Variants in CTNNA2 observed in about 807,000 individuals in gnomAD.
CTNNA2 encodes the protein catenin alpha-2.
CTNNA2 carries 42 observed loss-of-function variants against 101.0 expected under a neutral mutation model. The observed-to-expected ratio is 0.42, with a 90% CI of 0.32 to 0.54. CTNNA2 has a LOEUF of 0.54. Ranked by LOEUF, CTNNA2 falls within the 20% of genes least tolerant of loss-of-function variation. The pLI, the probability that CTNNA2 is intolerant of heterozygous loss-of-function variation, is 0.14. For missense variants in CTNNA2, 871 were observed against 1,223.1 expected (o/e 0.71, Z 4.29); for synonymous variants, 450 against 456.4 (o/e 0.99, Z 0.18).
intron 2 of CTNNA2, among the ~76,000 whole-genome samples, chr2:79,208,913 A>G (rs926543139): frequency 3.3e-5 from 5 of 152,214 alleles, no homozygotes; most frequent in Admixed American, 2.0e-4. Flanking sequence ...AATCAGAGAT[A>G]TGTGGTAGAA....
rs116189298 is a variant in CTNNA2, at chr2:80,627,868, C to T, written c.2574+8640C>T. 3.2e-3 allele frequency among the ~76,000 whole-genome samples: 490 copies of T among 152,128 alleles called. 5 individuals carry two copies. Among genetic ancestry groups the T allele is most frequent in the African/African-American group, 0.01 (423 of 41,524 alleles). On this transcript the variant is annotated intron_variant, in intron 18 of 18. Transcript: ENST00000402739. ...TCCTACATTTAAGTCTTTAGTCCAT[C>T]GTCTCAGCCCCAAATCTCCTTAAGC...
At chr2:80,125,103 G>C (rs566146906) in intron 7 of CTNNA2, among the ~76,000 whole-genome samples, 1 of 152,182 alleles carries the variant, frequency 6.6e-6, no homozygotes, top group Non-Finnish European at 1.5e-5. Context: ...CCAAATCTAG[G>C]TTTTGTCTGA....
chr2:79,651,761 G>A (rs888978845), intron 2 of CTNNA2, 103 bp downstream of exon 2: 73 of 950,642 alleles, frequency 7.7e-5, no homozygotes, highest in Non-Finnish European at 1.0e-4. Flanking sequence ...AATAAATCAT[G>A]CCATGATTCC....
At chr2:80,028,246 T>C (rs1695068633) in intron 7 of CTNNA2, 1 of 152,196 alleles carries the variant, frequency 6.6e-6, no homozygotes, top group Non-Finnish European at 1.5e-5. Flanking sequence ...CCCTCTTCCA[T>C]ATGACTTGTT....
chr2:80,089,737 TC>T (rs1699667169), intron 7 of CTNNA2, among the ~76,000 whole-genome samples: 1 of 151,972 alleles, frequency 6.6e-6, no homozygotes, highest in Admixed American at 6.6e-5. Flanking sequence ...ACCACCCCAT[TC>T]TGCTTTCTCA....
In CTNNA2 at chr2:79,764,514, TTAACATTACATAAATTAATGTTTA is replaced by T. The variant is rs201459101; in HGVS notation, c.298+19944_298+19967del. ...CAAAAAATACTGTTGTAAATGTATT[TTAACATTACATAAATTAATGTTTA>T]TAACATTACATCCTTAAGAATCAAA... On this transcript the variant is annotated intron_variant, in intron 3 of 18. Coordinates refer to ENST00000402739, the MANE Select transcript of CTNNA2 (RefSeq NM_001282597.3). Among the ~76,000 whole-genome samples the T allele has an allele frequency of 8.1e-3, 1,231 of 152,340 alleles. 36 individuals carry two copies. In the East Asian group the frequency reaches 0.097, roughly 12 times the overall value.
intron 9 of CTNNA2, among the ~76,000 whole-genome samples, chr2:80,490,271 TC>T (rs1185906142): frequency 1.9e-5 from 1 of 51,850 alleles, no homozygotes; most frequent in Non-Finnish European, 3.3e-5. Flanking sequence ...TTTTTTTCCT[TC>T]CCCCCCCACC....
intron 3 of CTNNA2, among the ~76,000 whole-genome samples, chr2:79,811,740 T>A (rs1369994020): frequency 6.6e-6 from 1 of 152,164 alleles, no homozygotes; most frequent in Non-Finnish European, 1.5e-5. Flanking sequence ...AAAATCAGCT[T>A]TTTTATTTCT....
At chr2:80,552,232 A>C (rs1692622779) in intron 11 of CTNNA2, among the ~76,000 whole-genome samples, 1 of 152,200 alleles carries the variant, frequency 6.6e-6, no homozygotes, top group Non-Finnish European at 1.5e-5. Context: ...CAAAACTGTC[A>C]TACAGAGACA....
chr2:80,470,517 C>G (rs1685214579), intron 9 of CTNNA2, among the ~76,000 whole-genome samples: 3 of 152,112 alleles, frequency 2.0e-5, no homozygotes, highest in Admixed American at 2.0e-4. Context: ...AGCAGTGTCC[C>G]CTACACCCAG....
At chr2:79,228,368 C>T (rs1269694179) in intron 2 of CTNNA2, among the ~76,000 whole-genome samples, 2 of 152,214 alleles carry the variant, frequency 1.3e-5, no homozygotes, top group Non-Finnish European at 2.9e-5. Context: ...GCATTCCCAC[C>T]AACAGTGTAA....
At chr2:79,430,807 CAAAG>C (rs10607066) in intron 4 of CTNNA2, among the ~76,000 whole-genome samples, 48,207 of 151,666 alleles carry the variant, frequency 0.32, 7,763 homozygotes, top group South Asian at 0.44. Context: ...TCCCAAGGTT[CAAAG>C]AAAGACTGGT....
At chr2:80,116,853 A>T (rs960134326) in intron 7 of CTNNA2, among the ~76,000 whole-genome samples, 1 of 151,862 alleles carries the variant, frequency 6.6e-6, no homozygotes, top group African/African-American at 2.4e-5. Context: ...TGTGGAAAGC[A>T]CTAATACATG....
At chr2:80,641,954 A>G (rs1280953755) in intron 18 of CTNNA2, among the ~76,000 whole-genome samples, 2 of 152,154 alleles carry the variant, frequency 1.3e-5, no homozygotes, top group African/African-American at 4.8e-5. Context: ...ATCACCCTAC[A>G]TGAAACAATT....
Position 80,631,361 on chromosome 2 carries a change from ATT to A in CTNNA2, c.2574+12151_2574+12152del, listed in dbSNP as rs35491193. 5.0e-3 allele frequency among the ~76,000 whole-genome samples: 543 copies of A among 108,304 alleles called. 7 individuals are homozygous for A. The highest frequency in any genetic ancestry group is 0.016 in the African/African-American group (505 of 30,982). The allele number at this position is 108,304 out of a possible 152,430, so 71.1% of individuals were successfully genotyped here. ...AGGCTTTCTTTCAAAGAAACCACTA[ATT>A]TTTTTTTTTTTTTTTTTAGCAACAC... On this transcript the variant is annotated intron_variant, in intron 18 of 18. Coordinates refer to ENST00000402739, the MANE Select transcript of CTNNA2 (RefSeq NM_001282597.3).
At chr2:79,229,493 C>T (rs537954261) in intron 2 of CTNNA2, among the ~76,000 whole-genome samples, 10 of 152,278 alleles carry the variant, frequency 6.6e-5, no homozygotes, top group African/African-American at 2.4e-4. Flanking sequence ...ATTGTGTGAC[C>T]TTCCCCAGCC....
In CTNNA2 at chr2:79,656,442, CTA is replaced by C. The variant is rs141274699; in HGVS notation, c.102+4785_102+4786del. ...TTTGCTCATAGCTATCCCACAGTTTCTAATAAGGATGGATAAGGGATGAAATG... is the reference window on the plus strand; with the variant it reads ...TTTGCTCATAGCTATCCCACAGTTTCATAAGGATGGATAAGGGATGAAATG... On this transcript the variant is annotated intron_variant, in intron 2 of 18. Transcript: ENST00000402739. 3.4e-3 allele frequency among the ~76,000 whole-genome samples: 521 copies of C among 152,098 alleles called. 12 individuals carry two copies. The South Asian group carries it at 0.046, about 13-fold the overall frequency.
intron 18 of CTNNA2, among the ~76,000 whole-genome samples, chr2:80,632,589 C>T (rs1203636297): frequency 3.3e-5 from 5 of 152,136 alleles, no homozygotes; most frequent in East Asian, 1.9e-4. Context: ...GGCTACCCCA[C>T]GAGTACTTCA....
chr2:79,900,314 T>C (rs1009994012), intron 6 of CTNNA2, among the ~76,000 whole-genome samples: 7 of 152,228 alleles, frequency 4.6e-5, no homozygotes, highest in Admixed American at 1.3e-4. Flanking sequence ...TAAGAAGGAT[T>C]CCATAGTGAA....
Sources: allele counts gnomAD v4.1 joint callset (sites outside exome capture counted in the v4.1 genomes callset), GRCh38; gene constraint gnomAD v4.1.1; transcripts MANE v1.5; gene names NCBI Gene and HGNC (gene_info 2026-07-23, HGNC 2026-07-21).